TAFA2: variants seen among roughly 807,000 people sequenced by gnomAD.
TAFA2 encodes the protein chemokine-like protein TAFA-2.
Under a neutral mutation model 18.8 loss-of-function variants are expected in TAFA2, and 7 were observed. The observed-to-expected ratio is 0.37, with a 90% CI of 0.21 to 0.70. TAFA2 has a LOEUF of 0.70. Among genes scored for constraint, TAFA2 ranks in the 30% least tolerant of loss-of-function variants. The pLI, the probability that TAFA2 is intolerant of heterozygous loss-of-function variation, is 0.53. For synonymous variants in TAFA2, 60 were observed against 54.2 expected, an observed-to-expected ratio of 1.11 and a Z score of -0.47; for missense variants, 122 against 158.1, an observed-to-expected ratio of 0.77 and a Z score of 1.23.
At position 62,119,250 on chromosome 12, in the gene TAFA2, A is replaced by G. The variant is rs188757370; in HGVS notation, c.-2+72009T>C. Among the ~76,000 whole-genome samples, 263 of 152,278 alleles carry G rather than the reference A, an allele frequency of 1.7e-3. 1 individual carries two copies. The highest frequency in any genetic ancestry group is 5.8e-3 in the African/African-American group (242 of 41,568). Reference sequence around the variant, plus strand: ...AACACTCCCAAATTTTACTACTTACATAAAATTCTAATTAGTTATATAATG... The same window carrying G: ...AACACTCCCAAATTTTACTACTTACGTAAAATTCTAATTAGTTATATAATG... On this transcript the variant is annotated intron_variant, in intron 1 of 4. Transcript: ENST00000416284.
intron 1 of TAFA2, among the ~76,000 whole-genome samples, chr12:62,019,659 G>A (rs1244843016): frequency 1.4e-5 from 2 of 145,886 alleles, no homozygotes; most frequent in Non-Finnish European, 3.0e-5. Context: ...ATCACACACC[G>A]GGGACTGTTG....
intron 1 of TAFA2, among the ~76,000 whole-genome samples, chr12:62,148,636 C>G (rs1407951537): frequency 6.6e-6 from 1 of 152,114 alleles, no homozygotes; most frequent in Non-Finnish European, 1.5e-5. Context: ...AAGCCCAAAC[C>G]CCAGCATCAC....
chr12:61,772,456 G>T (rs1000250554), intron 2 of TAFA2, among the ~76,000 whole-genome samples: 3 of 151,592 alleles, frequency 2.0e-5, no homozygotes, highest in African/African-American at 4.8e-5. Context: ...TGTCCCTGAT[G>T]AATACAGATG....
chr12:61,930,792 T>C (rs1245020333), intron 1 of TAFA2, among the ~76,000 whole-genome samples: 1 of 152,206 alleles, frequency 6.6e-6, no homozygotes, highest in Non-Finnish European at 1.5e-5. Context: ...AGGAAGAGAA[T>C]AAATAATTCC....
chr12:62,116,273 C>T (rs1169828555), intron 1 of TAFA2, among the ~76,000 whole-genome samples: 1 of 152,146 alleles, frequency 6.6e-6, no homozygotes, highest in Non-Finnish European at 1.5e-5. Context: ...AGGAGACATA[C>T]CTGAGGCATG....
At chr12:61,937,032 A>C (rs1296634103) in intron 1 of TAFA2, among the ~76,000 whole-genome samples, 1 of 152,198 alleles carries the variant, frequency 6.6e-6, no homozygotes, top group Non-Finnish European at 1.5e-5. Flanking sequence ...GCTGAGAAGC[A>C]AGTCAATAAC....
intron 2 of TAFA2, among the ~76,000 whole-genome samples, chr12:61,838,607 C>A (rs1402794251): frequency 6.6e-6 from 1 of 151,910 alleles, no homozygotes; most frequent in Non-Finnish European, 1.5e-5. Flanking sequence ...AGCCTAGGAG[C>A]AATTTTCATA....
intron 1 of TAFA2, among the ~76,000 whole-genome samples, chr12:62,018,962 TCAAA>T (rs1365564429): frequency 3.9e-5 from 6 of 151,974 alleles, no homozygotes; most frequent in African/African-American, 2.4e-5. Flanking sequence ...TACAATGAAC[TCAAA>T]CAAATTTATA....
chr12:62,254,482 T>C (rs1260157081), intron 1 of TAFA2, among the ~76,000 whole-genome samples: 1 of 152,202 alleles, frequency 6.6e-6, no homozygotes, highest in Non-Finnish European at 1.5e-5. Context: ...TGTAGAGGTA[T>C]ACTATACATC....
chr12:61,865,862 G>A (rs1592445326), intron 2 of TAFA2, among the ~76,000 whole-genome samples: 1 of 152,114 alleles, frequency 6.6e-6, no homozygotes, highest in Non-Finnish European at 1.5e-5. Flanking sequence ...GCTGGGAAGG[G>A]GCACTAAGGT....
At chr12:61,748,137 A>T (rs1868821293) in intron 4 of TAFA2, among the ~76,000 whole-genome samples, 1 of 151,984 alleles carries the variant, frequency 6.6e-6, no homozygotes. Flanking sequence ...AGAAGGAAGG[A>T]AAGGAGGAAG....
chr12:62,167,067 G>GA lies in TAFA2; in HGVS notation c.-2+24191dup, dbSNP rs1029780392. On this transcript the variant is annotated intron_variant, in intron 1 of 4. Transcript: ENST00000416284. ...GGAATGATCTCCGAAAACACTAAGT[G>GA]AAAAAAAAATCAATGGAGAAAAAGT... is the stretch of plus-strand genomic sequence containing the variant. Among the ~76,000 whole-genome samples, 13 of 150,172 alleles carry GA rather than the reference G, an allele frequency of 8.7e-5. No individual in the cohort carries two copies. In the South Asian group the frequency reaches 1.9e-3, roughly 22 times the overall value.
intron 1 of TAFA2, among the ~76,000 whole-genome samples, chr12:62,171,121 T>A (rs1272809986): frequency 3.3e-5 from 5 of 152,132 alleles, no homozygotes; most frequent in Admixed American, 6.6e-5. Flanking sequence ...ATTATACCCT[T>A]GTTGTTATTA....
chr12:62,246,462 G>A lies in TAFA2; in HGVS notation c.-130+12301C>T, dbSNP rs533005848. 1.1e-3 allele frequency among the ~76,000 whole-genome samples: 170 copies of A among 152,216 alleles called. 1 individual carries two copies. Among genetic ancestry groups the A allele is most frequent in the African/African-American group, 3.9e-3 (163 of 41,532 alleles). On this transcript the variant is annotated intron_variant, in intron 1 of 5. Coordinates refer to the TAFA2 transcript ENST00000551619. ...TTTTGTAAATATTTCATCATTATTT[G>A]AAATAACCTATATTCTTTAATTGGG...
intron 1 of TAFA2, among the ~76,000 whole-genome samples, chr12:62,245,954 T>C (rs2062883662): frequency 6.6e-6 from 1 of 151,010 alleles, no homozygotes; most frequent in Non-Finnish European, 1.5e-5. Context: ...TCACTCTTGG[T>C]ATTGTTTTAG....
chr12:62,075,224 T>G (rs893788395), intron 1 of TAFA2, among the ~76,000 whole-genome samples: 3 of 152,194 alleles, frequency 2.0e-5, no homozygotes, highest in African/African-American at 7.2e-5. Flanking sequence ...AATAATTTAA[T>G]GTACTGTGTA....
intron 1 of TAFA2, among the ~76,000 whole-genome samples, chr12:62,115,104 T>C (rs77776029): frequency 0.051 from 7,735 of 152,304 alleles, 294 homozygotes; most frequent in Non-Finnish European, 0.079. Flanking sequence ...TTCTTCCCTA[T>C]AATTTGTCTA....
chr12:61,753,027 G>A (rs1018941410), intron 4 of TAFA2, among the ~76,000 whole-genome samples: 1 of 151,788 alleles, frequency 6.6e-6, no homozygotes, highest in Non-Finnish European at 1.5e-5. Flanking sequence ...CCATCACCGA[G>A]AGGTCAGTAA....
intron 1 of TAFA2, among the ~76,000 whole-genome samples, chr12:62,116,510 A>C (rs1869969743): frequency 6.6e-6 from 1 of 151,660 alleles, no homozygotes; most frequent in Non-Finnish European, 1.5e-5. Context: ...TTTATTTAAC[A>C]GTGGTTAATT....
Sources: allele counts gnomAD v4.1 joint callset (sites outside exome capture counted in the v4.1 genomes callset), GRCh38; gene constraint gnomAD v4.1.1; transcripts MANE v1.5; gene names NCBI Gene and HGNC (gene_info 2026-07-23, HGNC 2026-07-21).